Variants in FAF1 observed in about 807,000 individuals in gnomAD.
The protein encoded by FAF1 is Fas associated factor 1, also known as FAS-associated factor 1.
A neutral mutation model predicts 92.5 loss-of-function variants in FAF1; 25 were observed. The observed-to-expected ratio is 0.27, with a 90% CI of 0.20 to 0.38. The LOEUF (loss-of-function observed/expected upper bound fraction) is 0.38, where lower values mean the gene tolerates loss of function less well. Among genes scored for constraint, FAF1 ranks in the 10% least tolerant of loss-of-function variants. The probability of loss-of-function intolerance (pLI) is 1.00; values close to 1 mark genes in which losing one functional copy is unlikely to be tolerated. For missense variants in FAF1, 636 were observed against 793.3 expected (o/e 0.80, Z 2.38); for synonymous variants, 234 against 273.2 (o/e 0.86, Z 1.42).
intron 12 of FAF1, among the ~76,000 whole-genome samples, chr1:50,582,133 A>G (rs909829218): frequency 2.0e-5 from 3 of 152,174 alleles, no homozygotes; most frequent in South Asian, 4.1e-4. Context: ...TCATTTTGGG[A>G]AAAGACTAAA....
intron 13 of FAF1, among the ~76,000 whole-genome samples, chr1:50,555,626 C>G (rs1418193578): frequency 6.6e-6 from 1 of 152,010 alleles, no homozygotes; most frequent in Admixed American, 6.6e-5. Context: ...GATGTTGACA[C>G]AGATGCAGTA....
chr1:50,612,021 C>A (rs75580261), intron 8 of FAF1, among the ~76,000 whole-genome samples: 1 of 152,072 alleles, frequency 6.6e-6, no homozygotes, highest in Non-Finnish European at 1.5e-5. Flanking sequence ...TATTGGTGAA[C>A]GAAAACAGTT....
intron 4 of FAF1, among the ~76,000 whole-genome samples, chr1:50,761,052 A>G (rs1036375683): frequency 3.3e-5 from 5 of 152,258 alleles, no homozygotes; most frequent in Non-Finnish European, 4.4e-5. Flanking sequence ...AGAGAATACT[A>G]CAAACACCTC....
intron 7 of FAF1, among the ~76,000 whole-genome samples, chr1:50,684,273 T>C (rs917387378): frequency 3.3e-5 from 5 of 151,438 alleles, no homozygotes; most frequent in African/African-American, 1.2e-4. Flanking sequence ...TTTTTTTTTT[T>C]TTTTTGGTTC....
At chr1:50,681,709 G>A (rs1415768691) in intron 7 of FAF1, among the ~76,000 whole-genome samples, 3 of 151,090 alleles carry the variant, frequency 2.0e-5, no homozygotes, top group African/African-American at 7.3e-5. Context: ...GTAGAGACAG[G>A]GGTTTCACCA....
chr1:50,672,946 T>C (rs925457031), intron 7 of FAF1, among the ~76,000 whole-genome samples: 1 of 151,814 alleles, frequency 6.6e-6, no homozygotes, highest in African/African-American at 2.4e-5. Flanking sequence ...GGCAAAACCG[T>C]GTCTCTACAA....
chr1:50,791,144 C>A (rs960359282), intron 3 of FAF1, among the ~76,000 whole-genome samples: 25 of 152,138 alleles, frequency 1.6e-4, no homozygotes, highest in African/African-American at 5.8e-4. Context: ...AGAAAGTAAT[C>A]TTGTACAAAA....
chr1:50,736,065 CT>C (rs764748469), intron 6 of FAF1, among the ~76,000 whole-genome samples: 1 of 152,086 alleles, frequency 6.6e-6, no homozygotes, highest in Non-Finnish European at 1.5e-5. Context: ...TAATAATATA[CT>C]GTAACTAAGA....
At chr1:50,944,648 G>T (rs1645159895) in intron 1 of FAF1, among the ~76,000 whole-genome samples, 1 of 152,190 alleles carries the variant, frequency 6.6e-6, no homozygotes, top group South Asian at 2.1e-4. Context: ...TCAGCAAGCA[G>T]TATACTCAAC....
chr1:50,445,971 C>G (rs1572746172), intron 18 of FAF1, among the ~76,000 whole-genome samples: 1 of 152,266 alleles, frequency 6.6e-6, no homozygotes, highest in East Asian at 1.9e-4. Context: ...ATTTCATATA[C>G]TGTTTCTATT....
intron 17 of FAF1, among the ~76,000 whole-genome samples, chr1:50,482,159 T>A (rs1313077139): frequency 6.6e-6 from 1 of 152,216 alleles, no homozygotes; most frequent in African/African-American, 2.4e-5. Flanking sequence ...CCCTAGCTCC[T>A]AACCTCTAAT....
At chr1:50,783,962 ATAAACAAAAAGCTTTTGACAGAAG>A in intron 4 of FAF1, among the ~76,000 whole-genome samples, 1 of 152,352 alleles carries the variant, frequency 6.6e-6, no homozygotes, top group Admixed American at 6.5e-5. Context: ...AATCATCTCA[ATAAACAAAAAGCTTTTGACAGAAG>A]TCAACATATT....
In FAF1 at chr1:50,886,612, A is replaced by C. The variant is rs190578297; in HGVS notation, c.46-28615T>G. On this transcript the variant is annotated intron_variant, in intron 1 of 18. Coordinates refer to ENST00000396153, the MANE Select transcript of FAF1 (RefSeq NM_007051.3). ...TCTCATTGATCAATTCCCACCTATG[A>C]GTGAGAACATGTGGTGTTTGGTTTT... 3.2e-3 allele frequency among the ~76,000 whole-genome samples: 481 copies of C among 151,396 alleles called. 3 individuals carry two copies. Among genetic ancestry groups the C allele is most frequent in the Middle Eastern group, 6.8e-3 (2 of 292 alleles).
intron 18 of FAF1, chr1:50,452,008 T>C: frequency 7.2e-6 from 9 of 1,250,164 alleles, no homozygotes; most frequent in Non-Finnish European, 9.2e-6. Context: ...CACTATACTA[T>C]TAAATGACAA....
intron 8 of FAF1, among the ~76,000 whole-genome samples, chr1:50,646,331 T>G (rs982232829): frequency 1.3e-5 from 2 of 152,224 alleles, no homozygotes; most frequent in Non-Finnish European, 2.9e-5. Context: ...TACTTGCTGC[T>G]ATAAAATGCT....
chr1:50,623,507 C>A (rs573073565), intron 8 of FAF1, among the ~76,000 whole-genome samples: 43 of 149,670 alleles, frequency 2.9e-4, no homozygotes, highest in African/African-American at 1.0e-3. Flanking sequence ...AGGTGGAGGG[C>A]AAGTTGCAGT....
At chr1:50,857,903 C>A in intron 2 of FAF1, 26 bp downstream of exon 2, 1 of 1,433,516 alleles carries the variant, frequency 7.0e-7, no homozygotes, top group Admixed American at 2.0e-5. Context: ...TTTGATTACT[C>A]ATCAGAGAAA....
intron 4 of FAF1, among the ~76,000 whole-genome samples, chr1:50,756,792 G>A (rs1660092670): frequency 6.6e-6 from 1 of 152,110 alleles, no homozygotes; most frequent in Non-Finnish European, 1.5e-5. Flanking sequence ...GCTTGTGCAG[G>A]GAAACTCCTC....
intron 4 of FAF1, among the ~76,000 whole-genome samples, chr1:50,763,207 G>A (rs1326175569): frequency 1.3e-5 from 2 of 152,244 alleles, no homozygotes; most frequent in East Asian, 1.9e-4. Context: ...GCTGTAAGCC[G>A]AGATGACGCC....
Sources: allele counts gnomAD v4.1 joint callset (sites outside exome capture counted in the v4.1 genomes callset), GRCh38; gene constraint gnomAD v4.1.1; transcripts MANE v1.5; gene names NCBI Gene and HGNC (gene_info 2026-07-23, HGNC 2026-07-21).